PC: variants seen among roughly 807,000 people sequenced by gnomAD.
The protein encoded by PC is pyruvate carboxylase, mitochondrial.
In PC, 46 loss-of-function variants were observed where a neutral mutation model predicts 107.8. The ratio of observed to expected loss-of-function variants is 0.43; its 90% CI spans 0.34 to 0.55. PC has a LOEUF of 0.55. Ranked by LOEUF, PC falls within the 20% of genes least tolerant of loss-of-function variation. PC has a pLI of 0.04. For synonymous variants in PC, 662 were observed against 684.7 expected (o/e 0.97, Z 0.52); for missense variants, 1,241 against 1,643.1 (o/e 0.76, Z 4.23).
At chr11:66,941,553 G>A (rs34482178) in intron 3 of PC, among the ~76,000 whole-genome samples, 60,718 of 151,742 alleles carry the variant, frequency 0.4, 13,435 homozygotes, top group South Asian at 0.65. Context: ...GTGCAGTGGC[G>A]CCATCTCGGC....
intron 3 of PC, among the ~76,000 whole-genome samples, chr11:66,925,323 C>T (rs1309721652): frequency 2.0e-5 from 3 of 152,112 alleles, no homozygotes; most frequent in South Asian, 2.1e-4. Context: ...TTCATCCCTA[C>T]GGCTTAGACC....
intron 2 of PC, among the ~76,000 whole-genome samples, chr11:66,953,111 A>C (rs1949478226): frequency 6.6e-6 from 1 of 152,264 alleles, no homozygotes; most frequent in South Asian, 2.1e-4. Flanking sequence ...CCGACAGGCT[A>C]GGTGGGAAGC....
intron 10 of PC, among the ~76,000 whole-genome samples, chr11:66,867,569 G>A (rs980789478): frequency 1.8e-4 from 28 of 152,286 alleles, no homozygotes; most frequent in African/African-American, 6.0e-4. Flanking sequence ...TCATCTCCAC[G>A]ACGGTGTGCT....
chr11:66,849,902 G>A, intron 20 of PC, 35 bp downstream of exon 20: 6 of 1,613,542 alleles, frequency 3.7e-6, no homozygotes, highest in Admixed American at 1.7e-5. Context: ...CCTGCATCCA[G>A]CCCCCACCCT....
chr11:66,874,843 G>A (rs747154214), intron 3 of PC, among the ~76,000 whole-genome samples: 18 of 152,342 alleles, frequency 1.2e-4, no homozygotes, highest in Non-Finnish European at 2.4e-4. Context: ...TCTGGGGCGG[G>A]TGCAGGGGTT....
At chr11:66,933,644 A>G (rs1438361970) in intron 3 of PC, among the ~76,000 whole-genome samples, 2 of 152,070 alleles carry the variant, frequency 1.3e-5, no homozygotes, top group East Asian at 1.9e-4. Flanking sequence ...ACTTGGCCCC[A>G]TGACAACTTT....
At chr11:66,947,941 C>T (rs1386775636) in intron 3 of PC, among the ~76,000 whole-genome samples, 9 of 143,820 alleles carry the variant, frequency 6.3e-5, no homozygotes, top group Admixed American at 2.9e-4. Context: ...CCAGCCTGGG[C>T]GACAGAGTGA....
At chr11:66,956,762 C>G (rs1356801663) in intron 1 of PC, among the ~76,000 whole-genome samples, 2 of 152,218 alleles carry the variant, frequency 1.3e-5, no homozygotes, top group Non-Finnish European at 1.5e-5. Context: ...TCCTCTCTCT[C>G]GCTTTAGTGT....
chr11:66,905,006 A>G (rs1342807864), intron 3 of PC, among the ~76,000 whole-genome samples: 2 of 152,362 alleles, frequency 1.3e-5, no homozygotes, highest in East Asian at 3.9e-4. Context: ...GAAACTGTAA[A>G]CCACAATACA....
At chr11:66,891,574 G>A (rs1947578198) in intron 3 of PC, among the ~76,000 whole-genome samples, 1 of 150,740 alleles carries the variant, frequency 6.6e-6, no homozygotes, top group African/African-American at 2.4e-5. Flanking sequence ...TGTATTTTTA[G>A]TAGAGACGGG....
At chr11:66,957,783 C>G (rs1949602081) in intron 1 of PC, 1 of 152,290 alleles carries the variant, frequency 6.6e-6, no homozygotes, top group South Asian at 2.1e-4. Context: ...GTCTGGGCGC[C>G]TGGAGCTTCC....
rs1304063564 is a variant in PC, at chr11:66,866,243, G to A, written c.1129C>T (p.Arg377Trp). ...IRINGCAIQCRVTTEDPARSF... is the reference protein window; with the variant it reads ...IRINGCAIQCWVTTEDPARSF... ...CGCGCGGGGTCCTCGGTGGTGACCC[G>A]GCACTGGATGGCACACCCGTTGATG... The change falls in exon 11 of 23, where the codon CGG becomes TGG. Residue 377 changes from arginine (R) to tryptophan (W), a missense_variant. By Grantham distance (101) the Arg-to-Trp change is moderately radical. Transcript: ENST00000393960. The surrounding 1 kb of genome is among the most constrained non-coding windows in gnomAD (Gnocchi z 5.4). The A allele has an allele frequency of 1.9e-6, 3 of 1,612,610 alleles. No individual in the cohort carries two copies. Among genetic ancestry groups the A allele is most frequent in the South Asian group, 1.1e-5 (1 of 91,028 alleles).
intron 3 of PC, among the ~76,000 whole-genome samples, chr11:66,911,828 C>T (rs1412563749): frequency 6.6e-6 from 1 of 152,004 alleles, no homozygotes; most frequent in Admixed American, 6.6e-5. Flanking sequence ...GTCAGGAGTT[C>T]GAGACCAGCC....
Position 66,858,403 on chromosome 11 carries a change from C to T in PC, c.1369-5020G>A. ...CCGCTTTTCTCTCGTGGGCGTGATG[C>T]AGAGGCCTCTCCCGCCCCCCTGGTG... On this transcript the variant is annotated intron_variant, in intron 12 of 22. Transcript: ENST00000393960. The surrounding 1 kb of genome is among the most constrained non-coding windows in gnomAD (Gnocchi z 5.9). 1.9e-6 allele frequency: 3 copies of T among 1,559,808 alleles called. No homozygotes were observed. The highest frequency in any genetic ancestry group is 1.9e-5 in the Admixed American group (1 of 52,852).
chr11:66,903,053 G>A (rs1462180768), intron 3 of PC, among the ~76,000 whole-genome samples: 1 of 152,158 alleles, frequency 6.6e-6, no homozygotes, highest in African/African-American at 2.4e-5. Flanking sequence ...TTAGCAGGGG[G>A]GTGTTCATCC....
intron 3 of PC, among the ~76,000 whole-genome samples, chr11:66,933,738 GA>G (rs1465639320): frequency 1.3e-5 from 2 of 151,944 alleles, no homozygotes; most frequent in Admixed American, 6.6e-5. Context: ...CGGAATGTCT[GA>G]GTTACATTCC....
chr11:66,866,083 T>C lies in PC; in HGVS notation c.1185+104A>G, dbSNP rs1476876100. 16 of 1,318,544 alleles carry C rather than the reference T, an allele frequency of 1.2e-5. No individual in the cohort carries two copies. The highest frequency in any genetic ancestry group is 1.3e-5 in the Non-Finnish European group (12 of 943,938). 81.7% of individuals were successfully genotyped at this position (1,318,544 alleles called of 1,614,324 possible). A position where few individuals can be genotyped will look rare whatever the true frequency, so the allele number is the denominator to read the frequency against. ...CACTTCAGAGCCCACATGCGGGTCC[T>C]CCCTAACTGCCGGGCTGTGGCAACT... On this transcript the variant is annotated intron_variant, in intron 11 of 22. Coordinates refer to ENST00000393960, the MANE Select transcript of PC (RefSeq NM_001040716.2). This position sits in a 1 kb window ranked among gnomAD's most constrained non-coding sequence, Gnocchi z 5.4.
intron 3 of PC, among the ~76,000 whole-genome samples, chr11:66,903,645 G>T (rs929674023): frequency 6.7e-6 from 1 of 148,166 alleles, no homozygotes; most frequent in African/African-American, 2.5e-5. Context: ...CTACTGGGGA[G>T]GCTGAGGCAG....
chr11:66,850,930 G>A lies in PC; in HGVS notation c.2224-7C>T, dbSNP rs375657263. ...TCAGCAGCCCGGCCATGTCCTGGGG[G>A]AAGTGGGAGAGAGAGAGAGAGAGAT... On this transcript the variant is annotated splice_polypyrimidine_tract_variant and splice_region_variant and intron_variant, in intron 17 of 22. Coordinates refer to ENST00000393960, the MANE Select transcript of PC (RefSeq NM_001040716.2). 6.2e-7 allele frequency: 1 copy of A among 1,608,188 alleles called. No individual in the cohort carries two copies. Among genetic ancestry groups the A allele is most frequent in the Non-Finnish European group, 8.5e-7 (1 of 1,179,924 alleles).
Sources: gnomAD v4.1 joint callset for allele counts (sites outside exome capture counted in the v4.1 genomes callset) on GRCh38, gnomAD v4.1.1 for gene constraint, Gnocchi (gnomAD v3.1) non-coding constraint, MANE v1.5 for transcripts, NCBI Gene and HGNC (gene_info 2026-07-23, HGNC 2026-07-21) for gene names.